TMEM63A: variants seen among roughly 807,000 people sequenced by gnomAD.
TMEM63A encodes the protein transmembrane protein 63A, also known as mechanosensitive cation channel TMEM63A.
Under a neutral mutation model 100.6 loss-of-function variants are expected in TMEM63A, and 76 were observed. The observed-to-expected ratio is 0.76, with a 90% CI of 0.63 to 0.91. The LOEUF (loss-of-function observed/expected upper bound fraction) is 0.91. Among genes scored for constraint, TMEM63A ranks in the 40% least tolerant of loss-of-function variants. The pLI is 0.00. For synonymous variants in TMEM63A, 401 were observed against 401.1 expected (o/e 1.00, Z 0.00); for missense variants, 876 against 1,008.8 (o/e 0.87, Z 1.78).
downstream of TMEM63A, among the ~76,000 whole-genome samples, chr1:225,841,786 T>C (rs994586726): frequency 6.6e-6 from 1 of 151,830 alleles, no homozygotes; most frequent in Non-Finnish European, 1.5e-5. Context: ...GTATTTTTAA[T>C]AGAGATGGGG....
chr1:225,864,149 C>T (rs538502326), intron 10 of TMEM63A: 3 of 151,688 alleles, frequency 2.0e-5, no homozygotes, highest in East Asian at 3.9e-4. Flanking sequence ...AAGGTCAATG[C>T]TCATGGCCAC....
downstream of TMEM63A, chr1:225,845,129 G>A: frequency 1.9e-6 from 3 of 1,613,580 alleles, no homozygotes; most frequent in East Asian, 4.5e-5. Context: ...CCCCTCCGTC[G>A]GCTCTTTCAC....
At chr1:225,845,413 A>G, downstream of TMEM63A, 2 of 1,486,176 alleles carry the variant, frequency 1.3e-6, no homozygotes, top group Non-Finnish European at 1.8e-6. Context: ...CTTGGGGAAG[A>G]TACCCCTTTT....
In TMEM63A at chr1:225,877,477, G is replaced by T. The variant is rs377290215; in HGVS notation, c.104C>A (p.Ser35Ter). 1 of 1,614,212 alleles carries T rather than the reference G, an allele frequency of 6.2e-7. No individual in the cohort carries two copies. The highest frequency in any genetic ancestry group is 8.5e-7 in the Non-Finnish European group (1 of 1,180,042). The change falls in exon 3 of 25, where the codon TCG becomes TAG. Residue 35 changes from serine (S) to a stop codon, truncating the protein, a stop_gained. Coordinates refer to ENST00000366835, the MANE Select transcript of TMEM63A (RefSeq NM_014698.3). LOFTEE classifies it high-confidence loss of function. ...DRPNDSYCYN[S>*]AKNSTVLQGV... Reference sequence around the variant, plus strand: ...CTGGAGCACGGTGCTGTTTTTGGCCGAGTTGTAGCAATAGGAGTCGTTGGG... The same window carrying T: ...CTGGAGCACGGTGCTGTTTTTGGCCTAGTTGTAGCAATAGGAGTCGTTGGG...
intron 6 of TMEM63A, among the ~76,000 whole-genome samples, chr1:225,870,451 C>T (rs78344397): frequency 9.9e-5 from 15 of 151,630 alleles, no homozygotes; most frequent in African/African-American, 2.7e-4. Flanking sequence ...CCCGCCCCCC[C>T]CCGCCTCCTG....
chr1:225,848,140 A>G, intron 23 of TMEM63A: 1 of 252,850 alleles, frequency 4.0e-6, no homozygotes, highest in South Asian at 9.3e-5. Flanking sequence ...AGGCAGGTGC[A>G]TCGCTGATGA....
intron 18 of TMEM63A, among the ~76,000 whole-genome samples, chr1:225,854,129 C>A (rs575317668): frequency 8.7e-6 from 1 of 115,226 alleles, no homozygotes; most frequent in East Asian, 2.1e-4. Context: ...GCCTTTCTAA[C>A]GAGGTGATAT....
intron 20 of TMEM63A, 134 bp downstream of exon 20, chr1:225,852,530 T>C: frequency 2.6e-6 from 2 of 766,422 alleles, no homozygotes; most frequent in Non-Finnish European, 2.2e-6. Context: ...CGTGAGTCTT[T>C]AGCAGCTTGT....
chr1:225,855,923 C>G lies in TMEM63A; in HGVS notation c.1589G>C (p.Arg530Pro), dbSNP rs370848969. Residue 530 changes from arginine (R) to proline (P), a missense_variant, in exon 18 of 25, where the codon CGG becomes CCG. Around this residue, in one of 5 missense-constraint regions of TMEM63A, gnomAD observed 487 missense variants for 581.9 expected, o/e 0.84. Coordinates refer to ENST00000366835, the MANE Select transcript of TMEM63A (RefSeq NM_014698.3). ...LGLTSLDFFF[R>P]WLFDKTSSEA... ...CGAGGAAGTTTTGTCAAAGAGCCAC[C>G]GGAAGAAAAAATCTAGACTGAAAAA... The G allele has an allele frequency of 6.2e-7, 1 of 1,613,988 alleles. No homozygotes were observed. The highest frequency in any genetic ancestry group is 1.7e-5 in the Admixed American group (1 of 60,006).
chr1:225,862,709 C>G lies in TMEM63A; in HGVS notation c.827+62G>C. On this transcript the variant is annotated intron_variant, in intron 11 of 24. Coordinates refer to ENST00000366835, the MANE Select transcript of TMEM63A (RefSeq NM_014698.3). The surrounding 1 kb of genome is among the most constrained non-coding windows in gnomAD (Gnocchi z 5.1). ...CAGGGCCTCCCGCCTCCCTTCCTAG[C>G]TGGGAGATGCGAGGCCAGCAAGGAA... 1 of 1,611,492 alleles carries G rather than the reference C, an allele frequency of 6.2e-7. No homozygotes were observed. Among genetic ancestry groups the G allele is most frequent in the African/African-American group, 1.3e-5 (1 of 74,898 alleles).
At position 225,862,169 on chromosome 1, in the gene TMEM63A, G is replaced by T; in HGVS notation, c.1085+49C>A. On this transcript the variant is annotated intron_variant, in intron 13 of 24. Coordinates refer to ENST00000366835, the MANE Select transcript of TMEM63A (RefSeq NM_014698.3). This position sits in a 1 kb window ranked among gnomAD's most constrained non-coding sequence, Gnocchi z 5.1. ...CGAGAGGGACAGTGAGTTATCTGGA[G>T]GGGAACAGGGAGTCAGCCAAGAAGG... 1 of 1,606,922 alleles carries T rather than the reference G, an allele frequency of 6.2e-7. No individual in the cohort carries two copies. Among genetic ancestry groups the T allele is most frequent in the South Asian group, 1.1e-5 (1 of 90,572 alleles).
In TMEM63A at chr1:225,865,755, C is replaced by G. The variant is rs1301825646; in HGVS notation, c.746+142G>C. ...CAGGAGCCACTCCATACACGTGTGG[C>G]AGGGCCAGGTCCTTCTCAGATCTCA... On this transcript the variant is annotated intron_variant, in intron 10 of 24. Coordinates refer to ENST00000366835, the MANE Select transcript of TMEM63A (RefSeq NM_014698.3). This position sits in a 1 kb window ranked among gnomAD's most constrained non-coding sequence, Gnocchi z 4.6. The G allele has an allele frequency of 8.9e-6, 7 of 787,258 alleles. No homozygotes were observed. In the Admixed American group the frequency reaches 1.6e-4, roughly 18 times the overall value. 48.8% of individuals were successfully genotyped at this position (787,258 alleles called of 1,614,324 possible).
downstream of TMEM63A, among the ~76,000 whole-genome samples, chr1:225,843,612 C>G (rs1459290344): frequency 6.6e-6 from 1 of 152,220 alleles, no homozygotes; most frequent in African/African-American, 2.4e-5. Flanking sequence ...GACTATCCCA[C>G]TAGGCCACTC....
Position 225,852,739 on chromosome 1 carries a change from T to A in TMEM63A, c.1828A>T (p.Met610Leu), listed in dbSNP as rs576201370. The change falls in exon 20 of 25, where the codon ATG becomes TTG. Residue 610 changes from methionine to leucine, a missense_variant. Met to Leu is a conservative substitution (Grantham distance 15). This residue lies in a region of TMEM63A where 339 missense variants were observed against 342.3 expected (regional missense o/e 0.99). Coordinates refer to ENST00000366835, the MANE Select transcript of TMEM63A (RefSeq NM_014698.3). ...NQAFQYEFGA[M>L]YAWMLCVFTV... ...AAGACACACAGCATCCATGCATACATGGCTCCAAACTCGTACTGGAAGGCC... is the reference window on the plus strand; with the variant it reads ...AAGACACACAGCATCCATGCATACAAGGCTCCAAACTCGTACTGGAAGGCC... 1 of 1,614,046 alleles carries A rather than the reference T, an allele frequency of 6.2e-7. No homozygotes were observed. The highest frequency in any genetic ancestry group is 8.5e-7 in the Non-Finnish European group (1 of 1,180,028).
chr1:225,876,304 A>T (rs1212556682), intron 3 of TMEM63A, among the ~76,000 whole-genome samples: 2 of 145,562 alleles, frequency 1.4e-5, no homozygotes, highest in Non-Finnish European at 3.0e-5. Flanking sequence ...ACCCCTGCCC[A>T]CTCCTCCTTG....
At chr1:225,857,406 C>T (rs1323366839) in intron 15 of TMEM63A, among the ~76,000 whole-genome samples, 1 of 133,998 alleles carries the variant, frequency 7.5e-6, no homozygotes, top group Non-Finnish European at 1.5e-5. Context: ...GGTGCCCTGC[C>T]TGCTCAGCTC....
chr1:225,862,270 G>C lies in TMEM63A; in HGVS notation c.1033C>G (p.Gln345Glu), dbSNP rs1322913188. The change falls in exon 13 of 25, where the codon CAG becomes GAG. Residue 345 changes from glutamine (Q) to glutamate (E), a missense_variant. Physicochemically the swap from Gln to Glu is conservative, Grantham distance 29. Transcript: ENST00000366835. The surrounding 1 kb of genome is among the most constrained non-coding windows in gnomAD (Gnocchi z 5.1). ...ITEEERHVQDQPLGMAFVTFQ... is the reference protein window; with the variant it reads ...ITEEERHVQDEPLGMAFVTFQ... ...GTGACGAAGGCCATTCCCAGGGGCTGGTCCTGGACGTGGCGTTCTTCCTCT... is the reference window on the plus strand; with the variant it reads ...GTGACGAAGGCCATTCCCAGGGGCTCGTCCTGGACGTGGCGTTCTTCCTCT... The C allele has an allele frequency of 6.2e-7, 1 of 1,614,192 alleles. No individual in the cohort carries two copies. The highest frequency in any genetic ancestry group is 1.7e-5 in the Admixed American group (1 of 60,030).
Position 225,849,922 on chromosome 1 carries a change from G to C in TMEM63A, c.2061C>G (p.Phe687Leu). ...LCLFWLYFFS[F>L]LRLGMKAPAT... ...AGAAGGGCTGCTCACCCAGGCGCAG[G>C]AAGGAAAAGAAGTAGAGCCAGAAGA... is the stretch of plus-strand genomic sequence containing the variant. Residue 687 changes from phenylalanine to leucine, a missense_variant, in exon 21 of 25, where the codon TTC becomes TTG. Physicochemically the swap from Phe to Leu is conservative, Grantham distance 22. This residue lies in a region of TMEM63A where 339 missense variants were observed against 342.3 expected (regional missense o/e 0.99). Coordinates refer to ENST00000366835, the MANE Select transcript of TMEM63A (RefSeq NM_014698.3). The C allele has an allele frequency of 6.2e-7, 1 of 1,614,044 alleles. No individual in the cohort carries two copies. The highest frequency in any genetic ancestry group is 8.5e-7 in the Non-Finnish European group (1 of 1,179,984).
At chr1:225,875,995 G>C (rs1670779546) in intron 3 of TMEM63A, among the ~76,000 whole-genome samples, 1 of 138,840 alleles carries the variant, frequency 7.2e-6, no homozygotes, top group Non-Finnish European at 1.5e-5. Context: ...GAGCCCAGGA[G>C]GAGGAAGTCG....
Sources: gnomAD v4.1 joint callset for allele counts (sites outside exome capture counted in the v4.1 genomes callset) on GRCh38, gnomAD v4.1.1 for gene constraint, gnomAD v4.1.1 regional missense constraint, Gnocchi (gnomAD v3.1) non-coding constraint, MANE v1.5 for transcripts, NCBI Gene and HGNC (gene_info 2026-07-23, HGNC 2026-07-21) for gene names.